RFX4: variants seen among roughly 807,000 people sequenced by gnomAD.
RFX4 encodes the protein regulatory factor X4, also known as transcription factor RFX4.
In RFX4, 10 loss-of-function variants were observed where a neutral mutation model predicts 95.0. The observed-to-expected ratio is 0.11, with a 90% CI of 0.06 to 0.18. The LOEUF is 0.18. Among genes scored for constraint, RFX4 ranks in the 10% least tolerant of loss-of-function variants. RFX4 has a pLI of 1.00. For synonymous variants in RFX4, 321 were observed against 340.7 expected (o/e 0.94, Z 0.64); for missense variants, 640 against 922.0 (o/e 0.69, Z 3.96).
chr12:106,749,249 C>T (rs2042954667), intron 16 of RFX4, among the ~76,000 whole-genome samples: 1 of 143,956 alleles, frequency 6.9e-6, no homozygotes, highest in Admixed American at 6.9e-5. Context: ...GAGCGATATA[C>T]TCCAACTCAA....
intron 1 of RFX4, among the ~76,000 whole-genome samples, chr12:106,587,291 G>GC (rs2039473622): frequency 6.6e-6 from 1 of 152,158 alleles, no homozygotes. Context: ...AGCCGCTCCC[G>GC]CCCCCGTCCC....
chr12:106,739,204 A>G (rs1173612556), intron 15 of RFX4, among the ~76,000 whole-genome samples: 1 of 152,206 alleles, frequency 6.6e-6, no homozygotes, highest in East Asian at 1.9e-4. Flanking sequence ...AATTTATTAA[A>G]ATCTTATTAA....
chr12:106,728,488 A>G (rs1038669496), intron 13 of RFX4, among the ~76,000 whole-genome samples: 7 of 152,090 alleles, frequency 4.6e-5, no homozygotes, highest in Admixed American at 1.3e-4. Flanking sequence ...ACTGGTCAAG[A>G]CAGAAAAATC....
intron 4 of RFX4, among the ~76,000 whole-genome samples, chr12:106,681,560 A>G (rs887108266): frequency 2.0e-5 from 3 of 152,218 alleles, no homozygotes; most frequent in Non-Finnish European, 4.4e-5. Context: ...GAAAACAATA[A>G]AAAGCCAGTG....
Position 106,761,486 on chromosome 12 carries a change from C to A in RFX4, c.*17C>A. The A allele has an allele frequency of 6.7e-7, 1 of 1,496,444 alleles. No individual in the cohort carries two copies. 92.7% of individuals were successfully genotyped at this position (1,496,444 alleles called of 1,614,324 possible). A position where few individuals can be genotyped will look rare whatever the true frequency, so the allele number is the denominator to read the frequency against. ...GCTAAATGACTGCTATCATAGGCATCCATATTTAATATTAATAATAATAAT... is the reference window on the plus strand; with the variant it reads ...GCTAAATGACTGCTATCATAGGCATACATATTTAATATTAATAATAATAAT... On this transcript the variant is annotated 3_prime_UTR_variant, in exon 18 of 18. Transcript: ENST00000392842.
chr12:106,760,154 C>T (rs2043183918), intron 17 of RFX4, among the ~76,000 whole-genome samples: 1 of 149,744 alleles, frequency 6.7e-6, no homozygotes, highest in Non-Finnish European at 1.5e-5. Context: ...TTCATACATT[C>T]ACACAGTCTC....
intron 2 of RFX4, among the ~76,000 whole-genome samples, chr12:106,609,487 C>G (rs1356982296): frequency 6.6e-6 from 1 of 152,144 alleles, no homozygotes; most frequent in African/African-American, 2.4e-5. Flanking sequence ...TATTATAAGT[C>G]TAATTTTTTG....
intron 13 of RFX4, 73 bp from the exon 14 acceptor site, chr12:106,732,057 G>C: frequency 6.3e-7 from 1 of 1,579,404 alleles, no homozygotes; most frequent in African/African-American, 1.3e-5. Context: ...TGTAACTTGT[G>C]CAGTTGACCA....
rs751021766 is a variant in RFX4 at position 106,654,189 on chromosome 12, G to T, written c.192-39G>T. The stretch of plus-strand genomic sequence containing the variant: ...AACAGACCGTTCTTGCTTGGGGAAG[G>T]TAACACATTTTTTGCTCATTGGGCG... On this transcript the variant is annotated intron_variant, in intron 3 of 17. Coordinates refer to ENST00000392842, the MANE Select transcript of RFX4 (RefSeq NM_213594.3). The T allele has an allele frequency of 5.0e-6, 8 of 1,613,176 alleles. No individual in the cohort carries two copies. In the Admixed American group the frequency reaches 6.7e-5, roughly 13 times the overall value.
chr12:106,658,821 C>T (rs1565968009), intron 4 of RFX4, among the ~76,000 whole-genome samples: 1 of 152,166 alleles, frequency 6.6e-6, no homozygotes, highest in Non-Finnish European at 1.5e-5. Context: ...CACCTCCACT[C>T]ACAGGCTGCT....
chr12:106,632,826 T>C (rs551018266), intron 2 of RFX4, among the ~76,000 whole-genome samples: 5 of 152,008 alleles, frequency 3.3e-5, no homozygotes, highest in Non-Finnish European at 7.4e-5. Context: ...GCACTACAGG[T>C]GCATGCCACC....
intron 13 of RFX4, among the ~76,000 whole-genome samples, chr12:106,727,297 TA>T (rs1478632632): frequency 1.3e-5 from 2 of 152,158 alleles, no homozygotes; most frequent in African/African-American, 4.8e-5. Flanking sequence ...GTATGGTTTT[TA>T]AAAAACCTTT....
chr12:106,726,018 G>A (rs896963748), intron 13 of RFX4, among the ~76,000 whole-genome samples: 7 of 151,912 alleles, frequency 4.6e-5, no homozygotes, highest in Admixed American at 2.0e-4. Flanking sequence ...AGGATGAGGC[G>A]GGCAGGCAGA....
chr12:106,714,373 T>G lies in RFX4; in HGVS notation c.994-1027T>G, dbSNP rs17038721. Among the ~76,000 whole-genome samples the G allele has an allele frequency of 7.6e-3, 1,151 of 152,274 alleles. 14 individuals are homozygous for G. Among genetic ancestry groups the G allele is most frequent in the African/African-American group, 0.027 (1,111 of 41,540 alleles). Reference sequence around the variant, plus strand: ...CAGTTGTTTTCATTATCATTAGAGATTCACCTAACTCATATATTCTACACC... The same window carrying G: ...CAGTTGTTTTCATTATCATTAGAGAGTCACCTAACTCATATATTCTACACC... On this transcript the variant is annotated intron_variant, in intron 10 of 17. Coordinates refer to ENST00000392842, the MANE Select transcript of RFX4 (RefSeq NM_213594.3).
Position 106,595,660 on chromosome 12 carries a change from A to G in RFX4, c.43+12297A>G, listed in dbSNP as rs139629678. On this transcript the variant is annotated intron_variant, in intron 1 of 17. Coordinates refer to ENST00000392842, the MANE Select transcript of RFX4 (RefSeq NM_213594.3). Reference sequence around the variant, plus strand: ...TCTTACACACATCATCAAGGGCTTCATTTCTATTTACTTACAGACATGATT... The same window carrying G: ...TCTTACACACATCATCAAGGGCTTCGTTTCTATTTACTTACAGACATGATT... 3.7e-3 allele frequency among the ~76,000 whole-genome samples: 568 copies of G among 152,334 alleles called. 3 individuals are homozygous for G. The highest frequency in any genetic ancestry group is 0.013 in the African/African-American group (547 of 41,576).
chr12:106,748,618 C>A (rs1350339095), intron 16 of RFX4, among the ~76,000 whole-genome samples: 1 of 152,210 alleles, frequency 6.6e-6, no homozygotes, highest in Non-Finnish European at 1.5e-5. Context: ...CTTACAATGT[C>A]TAATGAGCAG....
intron 17 of RFX4, among the ~76,000 whole-genome samples, 175 bp downstream of exon 17, chr12:106,750,968 G>T (rs931426452): frequency 6.6e-6 from 1 of 151,318 alleles, no homozygotes; most frequent in Non-Finnish European, 1.5e-5. Context: ...TAAGTTTTAG[G>T]GTACATGTGC....
chr12:106,607,487 C>G (rs903998017), intron 1 of RFX4, among the ~76,000 whole-genome samples: 1 of 131,992 alleles, frequency 7.6e-6, no homozygotes. Flanking sequence ...CATAACACAA[C>G]GTGGACCGAA....
intron 13 of RFX4, among the ~76,000 whole-genome samples, chr12:106,731,461 T>C (rs968620910): frequency 6.6e-6 from 1 of 152,210 alleles, no homozygotes; most frequent in Non-Finnish European, 1.5e-5. Flanking sequence ...TAAAAATGAC[T>C]GTTCACATTC....
Sources: gnomAD v4.1 joint callset for allele counts (sites outside exome capture counted in the v4.1 genomes callset) on GRCh38, gnomAD v4.1.1 for gene constraint, MANE v1.5 for transcripts, NCBI Gene and HGNC (gene_info 2026-07-23, HGNC 2026-07-21) for gene names.